The following TBX1 variants were observed in gnomAD, a reference collection of about 807,000 sequenced individuals.
TBX1 encodes the protein T-box transcription factor 1, also known as T-box transcription factor TBX1.
Under a neutral mutation model 40.8 loss-of-function variants are expected in TBX1, and 16 were observed. The observed-to-expected ratio is 0.39, with a 90% CI of 0.27 to 0.60. The LOEUF (loss-of-function observed/expected upper bound fraction) is 0.60. Among genes scored for constraint, TBX1 ranks in the 20% least tolerant of loss-of-function variants. The probability of loss-of-function intolerance (pLI) is 0.51; values close to 1 mark genes in which losing one functional copy is unlikely to be tolerated. For missense variants in TBX1, 755 were observed against 728.5 expected, an observed-to-expected ratio of 1.04 and a Z score of -0.42; for synonymous variants, 403 against 336.8, an observed-to-expected ratio of 1.20 and a Z score of -2.15.
At chr22:19,769,245 G>A (rs935333975), downstream of TBX1, among the ~76,000 whole-genome samples, 13 of 152,206 alleles carry the variant, frequency 8.5e-5, no homozygotes, top group African/African-American at 3.1e-4. Flanking sequence ...TCAGGCATGA[G>A]CCATCACACT....
At chr22:19,765,859 G>A in intron 5 of TBX1, 34 bp downstream of exon 5, 1 of 1,574,310 alleles carries the variant, frequency 6.4e-7, no homozygotes, top group Non-Finnish European at 8.6e-7. Context: ...TGAGCGCCGG[G>A]CGCCTGGCGC....
chr22:19,766,533 T>C lies in TBX1; in HGVS notation c.1181T>C (p.Leu394Pro). The C allele has an allele frequency of 2.2e-6, 3 of 1,342,834 alleles. No homozygotes were observed. Among genetic ancestry groups the C allele is most frequent in the Non-Finnish European group, 2.9e-6 (3 of 1,051,770 alleles). 83.2% of individuals were successfully genotyped at this position (1,342,834 alleles called of 1,614,324 possible). A position where few individuals can be genotyped will look rare whatever the true frequency, so the allele number is the denominator to read the frequency against. Residue 394 changes from leucine (L) to proline (P), a missense_variant, in exon 7 of 7, where the codon CTG becomes CCG. This residue lies in a region of TBX1 where 412 missense variants were observed against 317.6 expected (regional missense o/e 1.30). Coordinates refer to ENST00000649276, the MANE Select transcript of TBX1 (RefSeq NM_001379200.1). ...GAGGAGGLVP[L>P]PGAPGGRPSP... is the part of the protein sequence containing the mutation. ...GGCGGCGCCGGCGGCTTAGTCCCGC[T>C]GCCCGGCGCGCCCGGAGGCCGGCCC...
At chr22:19,777,254 C>G (rs1937080120) in intron 8 of TBX1, among the ~76,000 whole-genome samples, 1 of 151,418 alleles carries the variant, frequency 6.6e-6, no homozygotes, top group Non-Finnish European at 1.5e-5. Context: ...TGTTCCCCTT[C>G]CTGTGTCCGT....
intron 8 of TBX1, among the ~76,000 whole-genome samples, chr22:19,778,873 T>G (rs1314464086): frequency 2.0e-5 from 3 of 152,068 alleles, no homozygotes; most frequent in Non-Finnish European, 4.4e-5. Context: ...GAGCTGAGAT[T>G]GCACCACTGC....
intron 8 of TBX1, among the ~76,000 whole-genome samples, chr22:19,778,292 G>T (rs1937097232): frequency 6.6e-6 from 1 of 151,204 alleles, no homozygotes; most frequent in Non-Finnish European, 1.5e-5. Flanking sequence ...TAGAGATGGG[G>T]GTCTCACTAT....
intron 8 of TBX1, chr22:19,779,097 G>T: frequency 8.4e-7 from 1 of 1,185,402 alleles, no homozygotes; most frequent in Non-Finnish European, 1.2e-6. Context: ...GGGAGATGCA[G>T]TCCTGTCCTG....
At position 19,766,816 on chromosome 22, in the gene TBX1, C is replaced by T; in HGVS notation, c.1464C>T (p.Tyr488=). The part of the protein sequence containing the change: ...AAAAAAAANM[Y]SSAGAAPPGS... ...CAGCTGCCGCGGCCGCCAACATGTACTCGTCGGCCGGAGCCGCGCCGCCCG... is the reference window on the plus strand; with the variant it reads ...CAGCTGCCGCGGCCGCCAACATGTATTCGTCGGCCGGAGCCGCGCCGCCCG... The change falls in exon 7 of 7, where the codon TAC becomes TAT. Residue 488 remains tyrosine (Y), a synonymous_variant. Transcript: ENST00000649276. 6.4e-7 allele frequency: 1 copy of T among 1,558,824 alleles called. No individual in the cohort carries two copies. Among genetic ancestry groups the T allele is most frequent in the Non-Finnish European group, 8.6e-7 (1 of 1,163,742 alleles).
Position 19,767,063 on chromosome 22 carries a change from T to G in TBX1, c.*196T>G. The stretch of plus-strand genomic sequence containing the variant: ...CCCCTTGGGCTATCGAAGTATCCGG[T>G]TCCCCAGTCCCTGGAGCCACCGCGG... On this transcript the variant is annotated 3_prime_UTR_variant, in exon 7 of 7. Coordinates refer to ENST00000649276, the MANE Select transcript of TBX1 (RefSeq NM_001379200.1). The G allele has an allele frequency of 1.3e-5, 17 of 1,272,906 alleles. No homozygotes were observed. The highest frequency in any genetic ancestry group is 3.4e-5 in the East Asian group (1 of 29,242). 78.9% of individuals were successfully genotyped at this position (1,272,906 alleles called of 1,614,324 possible).
At chr22:19,771,224 C>G (rs905472094), downstream of TBX1, among the ~76,000 whole-genome samples, 1 of 152,236 alleles carries the variant, frequency 6.6e-6, no homozygotes, top group Non-Finnish European at 1.5e-5. Flanking sequence ...GCACGGCCCC[C>G]CAGCCTGGCA....
upstream of TBX1, among the ~76,000 whole-genome samples, chr22:19,757,400 C>T (rs553098321): frequency 1.3e-5 from 2 of 152,288 alleles, no homozygotes; most frequent in South Asian, 4.1e-4. Flanking sequence ...AGCGGCTGAC[C>T]CAGAGTCTCC....
At chr22:19,766,143 G>C (rs1936833171) in intron 6 of TBX1, 141 bp downstream of exon 6, 1 of 791,038 alleles carries the variant, frequency 1.3e-6, no homozygotes. Flanking sequence ...CGGCGGGCAA[G>C]CGCGCACTCG....
intron 8 of TBX1, among the ~76,000 whole-genome samples, chr22:19,776,403 C>G (rs1661351860): frequency 6.6e-6 from 1 of 152,206 alleles, no homozygotes; most frequent in South Asian, 2.1e-4. Flanking sequence ...CCCATGAATG[C>G]AAGACACACA....
At chr22:19,758,295 G>C (rs563098958), upstream of TBX1, among the ~76,000 whole-genome samples, 68 of 152,322 alleles carry the variant, frequency 4.5e-4, no homozygotes, top group African/African-American at 1.4e-3. Context: ...CTGACCACCA[G>C]CACCAGGGAG....
chr22:19,780,102 G>A (rs889077610), downstream of TBX1, among the ~76,000 whole-genome samples: 2 of 152,206 alleles, frequency 1.3e-5, no homozygotes, highest in African/African-American at 4.8e-5. Context: ...TTAGTTTTCA[G>A]TTTTTAACAT....
At chr22:19,771,677 C>T (rs1936992692), downstream of TBX1, among the ~76,000 whole-genome samples, 1 of 152,226 alleles carries the variant, frequency 6.6e-6, no homozygotes, top group African/African-American at 2.4e-5. Context: ...TGCAGACCCC[C>T]AGAAGCTTTG....
At chr22:19,781,606 A>C (rs1937143619), downstream of TBX1, among the ~76,000 whole-genome samples, 1 of 152,172 alleles carries the variant, frequency 6.6e-6, no homozygotes, top group Admixed American at 6.5e-5. Flanking sequence ...TGTCATATCC[A>C]AGAATTTATT....
chr22:19,765,398 T>C (rs1439596263), intron 4 of TBX1, among the ~76,000 whole-genome samples: 3 of 152,172 alleles, frequency 2.0e-5, no homozygotes, highest in Non-Finnish European at 4.4e-5. Context: ...ATCAGGGGCC[T>C]GATCTGAGGT....
chr22:19,765,668 G>T lies in TBX1; in HGVS notation c.868-90G>T, dbSNP rs543545408. 1.4e-4 allele frequency: 205 copies of T among 1,437,360 alleles called. 1 individual carries two copies. Among genetic ancestry groups the T allele is most frequent in the Admixed American group, 2.3e-4 (12 of 52,866 alleles). The allele number at this position is 1,437,360 out of a possible 1,614,324, so 89.0% of individuals were successfully genotyped here. ...AGGGCAGCAGAAAGGCCCTTGGTGCGCTTCTCCTAACACTCCCCTATCCTC... is the reference window on the plus strand; with the variant it reads ...AGGGCAGCAGAAAGGCCCTTGGTGCTCTTCTCCTAACACTCCCCTATCCTC... On this transcript the variant is annotated intron_variant, in intron 4 of 6. Coordinates refer to ENST00000649276, the MANE Select transcript of TBX1 (RefSeq NM_001379200.1).
downstream of TBX1, chr22:19,767,425 C>T (rs573603540): frequency 1.4e-5 from 14 of 978,490 alleles, no homozygotes; most frequent in African/African-American, 2.1e-4. Flanking sequence ...GCCCTCAGGG[C>T]CTCCCCAGCC....
Sources: allele counts gnomAD v4.1 joint callset (sites outside exome capture counted in the v4.1 genomes callset), GRCh38; gene constraint gnomAD v4.1.1; regional missense constraint gnomAD v4.1.1; transcripts MANE v1.5; gene names NCBI Gene and HGNC (gene_info 2026-07-23, HGNC 2026-07-21).